GNAS-AS1: variants seen among roughly 807,000 people sequenced by gnomAD.
GNAS-AS1 encodes the protein GNAS antisense RNA 1, also known as GNAS antisense RNA 1 (non-protein coding).
At chr20:58,845,414 A>T (rs889658708) in intron 2 of GNAS-AS1, among the ~76,000 whole-genome samples, 2 of 152,146 alleles carry the variant, frequency 1.3e-5, no homozygotes, top group African/African-American at 4.8e-5. Context: ...ACATACAGCT[A>T]GACCCCACTG....
chr20:58,844,250 A>C (rs2085856114), intron 2 of GNAS-AS1, among the ~76,000 whole-genome samples: 1 of 152,228 alleles, frequency 6.6e-6, no homozygotes, highest in African/African-American at 2.4e-5. Context: ...CTATCACAAA[A>C]ACCAAATCAC....
At chr20:58,850,861 C>T (rs1341270228) in exon 1 of GNAS-AS1, 1 of 398,836 alleles carries the variant, frequency 2.5e-6, no homozygotes, top group Non-Finnish European at 4.4e-6. Context: ...CTTCCAACCA[C>T]CCCAGCAGCA....
intron 4 of GNAS-AS1, among the ~76,000 whole-genome samples, chr20:58,831,348 A>G (rs952542939): frequency 3.3e-5 from 5 of 152,156 alleles, no homozygotes; most frequent in African/African-American, 1.2e-4. Context: ...AATCTGCTAG[A>G]TAAAGTCACT....
At chr20:58,850,540 T>G (rs1031052040) in exon 1 of GNAS-AS1, 4 of 398,692 alleles carry the variant, frequency 1.0e-5, no homozygotes, top group Non-Finnish European at 1.8e-5. Context: ...CTTCCACTTG[T>G]GCAGGCTCAG....
chr20:58,831,281 A>G (rs1423355825), intron 4 of GNAS-AS1, among the ~76,000 whole-genome samples: 2 of 152,222 alleles, frequency 1.3e-5, no homozygotes, highest in East Asian at 3.8e-4. Context: ...CTAATATTTC[A>G]AAAGAAATGT....
chr20:58,842,216 C>A, exon 4 of GNAS-AS1: 1 of 398,482 alleles, frequency 2.5e-6, no homozygotes, highest in South Asian at 1.3e-4. Flanking sequence ...CCTCGCCAGT[C>A]CTGGGGGGAA....
intron 4 of GNAS-AS1, chr20:58,834,705 T>A (rs2085590745): frequency 6.6e-6 from 1 of 152,136 alleles, no homozygotes; most frequent in African/African-American, 2.4e-5. Context: ...TAGGCACTTA[T>A]CAGTAGGAGA....
In GNAS-AS1 at chr20:58,841,005, G is replaced by A; in HGVS notation, n.819+932C>T. The A allele has an allele frequency of 8.7e-7, 1 of 1,151,216 alleles. No homozygotes were observed. Among genetic ancestry groups the A allele is most frequent in the Non-Finnish European group, 1.3e-6 (1 of 797,262 alleles). The allele number at this position is 1,151,216 out of a possible 1,614,324, so 71.3% of individuals were successfully genotyped here. A position where few individuals can be genotyped will look rare whatever the true frequency, so the allele number is the denominator to read the frequency against. Reference sequence around the variant, plus strand: ...AGTGGGAAGAGAGGAGGCTCAGCTGGTCAGCCTGGGATCGGGGGTCAGGGT... The same window carrying A: ...AGTGGGAAGAGAGGAGGCTCAGCTGATCAGCCTGGGATCGGGGGTCAGGGT... On this transcript the variant is annotated intron_variant and non_coding_transcript_variant, in intron 4 of 4. Transcript: ENST00000424094. The surrounding 1 kb of genome is among the most constrained non-coding windows in gnomAD (Gnocchi z 5.0).
intron 4 of GNAS-AS1, among the ~76,000 whole-genome samples, chr20:58,830,389 C>T (rs2085552134): frequency 6.9e-6 from 1 of 144,712 alleles, no homozygotes; most frequent in South Asian, 2.3e-4. Context: ...CCACAATCAC[C>T]ACCACCATCA....
Position 58,840,461 on chromosome 20 carries a change from A to ATCGAGTCCGAGACCGACT in GNAS-AS1, n.819+1458_819+1475dup, listed in dbSNP as rs1255784891. On this transcript the variant is annotated intron_variant and non_coding_transcript_variant, in intron 4 of 4. Coordinates refer to ENST00000424094, the Ensembl canonical transcript of GNAS-AS1. This position sits in a 1 kb window ranked among gnomAD's most constrained non-coding sequence, Gnocchi z 6.0. The stretch of plus-strand genomic sequence containing the variant: ...GACCGAGAGCGAGACCGAGTCCGAA[A>ATCGAGTCCGAGACCGACT]TCGAGTCCGAGACCGACTTCGAGAC... 1 of 1,613,352 alleles carries ATCGAGTCCGAGACCGACT rather than the reference A, an allele frequency of 6.2e-7. No homozygotes were observed. The highest frequency in any genetic ancestry group is 8.5e-7 in the Non-Finnish European group (1 of 1,179,754).
At chr20:58,820,021 G>C (rs1433416898) in intron 4 of GNAS-AS1, among the ~76,000 whole-genome samples, 1 of 152,260 alleles carries the variant, frequency 6.6e-6, no homozygotes, top group Non-Finnish European at 1.5e-5. Flanking sequence ...GTGCCATCTA[G>C]TGGGGAGGGG....
chr20:58,826,349 C>T (rs1014627926), intron 4 of GNAS-AS1, among the ~76,000 whole-genome samples: 1 of 152,142 alleles, frequency 6.6e-6, no homozygotes, highest in East Asian at 1.9e-4. Context: ...ATCCCAGCAT[C>T]CCCCTGGTTA....
chr20:58,828,368 T>C (rs941551811), intron 4 of GNAS-AS1, among the ~76,000 whole-genome samples: 7 of 152,266 alleles, frequency 4.6e-5, no homozygotes, highest in Non-Finnish European at 7.3e-5. Flanking sequence ...AAAATAGATC[T>C]GATATCAAGG....
chr20:58,822,042 A>G (rs1462523844), intron 4 of GNAS-AS1, among the ~76,000 whole-genome samples: 4 of 152,184 alleles, frequency 2.6e-5, no homozygotes, highest in African/African-American at 9.7e-5. Flanking sequence ...TTAAGTGGCT[A>G]TGGTAACTGC....
chr20:58,841,590 G>T lies in GNAS-AS1; in HGVS notation n.819+347C>A. ...TCCCGTCGCTCGCGGGACAGAGACCGCCTCAAAGAGCGTGCGCACCTGCCC... is the reference window on the plus strand; with the variant it reads ...TCCCGTCGCTCGCGGGACAGAGACCTCCTCAAAGAGCGTGCGCACCTGCCC... On this transcript the variant is annotated intron_variant and non_coding_transcript_variant, in intron 4 of 4. Coordinates refer to ENST00000424094, the Ensembl canonical transcript of GNAS-AS1. The surrounding 1 kb of genome is among the most constrained non-coding windows in gnomAD (Gnocchi z 5.0). The T allele has an allele frequency of 9.8e-7, 1 of 1,016,400 alleles. No homozygotes were observed. Among genetic ancestry groups the T allele is most frequent in the Non-Finnish European group, 1.2e-6 (1 of 850,824 alleles). 63.0% of individuals were successfully genotyped at this position (1,016,400 alleles called of 1,614,324 possible). A position where few individuals can be genotyped will look rare whatever the true frequency, so the allele number is the denominator to read the frequency against.
In GNAS-AS1 at chr20:58,840,960, G is replaced by A. The variant is rs2085695746; in HGVS notation, n.819+977C>T. The stretch of plus-strand genomic sequence containing the variant: ...AGCGCAGGTGGAAAGGAGGTGAGAA[G>A]GAAAGGCAGGTCAGGGGCGAGTGGG... On this transcript the variant is annotated intron_variant and non_coding_transcript_variant, in intron 4 of 4. Transcript: ENST00000424094. This position sits in a 1 kb window ranked among gnomAD's most constrained non-coding sequence, Gnocchi z 6.0. 8 of 1,500,610 alleles carry A rather than the reference G, an allele frequency of 5.3e-6. No individual in the cohort carries two copies. The highest frequency in any genetic ancestry group is 7.3e-6 in the Non-Finnish European group (8 of 1,092,922). 93.0% of individuals were successfully genotyped at this position (1,500,610 alleles called of 1,614,324 possible). A position where few individuals can be genotyped will look rare whatever the true frequency, so the allele number is the denominator to read the frequency against.
At position 58,822,914 on chromosome 20, in the gene GNAS-AS1, G is replaced by C. The variant is rs188603036; in HGVS notation, n.820-3659C>G. ...CGACCTAGGGCTGGGCTCTGACCTG[G>C]CTCCTCTGGCCCTGTCCTTGGTGCT... On this transcript the variant is annotated intron_variant and non_coding_transcript_variant, in intron 4 of 4. Transcript: ENST00000424094. Among the ~76,000 whole-genome samples, 515 of 152,198 alleles carry C rather than the reference G, an allele frequency of 3.4e-3. 4 individuals carry two copies. The highest frequency in any genetic ancestry group is 0.012 in the African/African-American group (496 of 41,550).
At chr20:58,839,863 T>A in intron 4 of GNAS-AS1, 1 of 596,000 alleles carries the variant, frequency 1.7e-6, no homozygotes, top group Non-Finnish European at 3.0e-6. Flanking sequence ...AACTTTCCCC[T>A]TTTTTCCCAT....
intron 2 of GNAS-AS1, among the ~76,000 whole-genome samples, chr20:58,843,806 TATCTG>T (rs2085836289): frequency 2.0e-5 from 3 of 152,190 alleles, no homozygotes; most frequent in Admixed American, 2.0e-4. Context: ...TAACTGAACT[TATCTG>T]AGCTGGGAAT....
Sources: allele counts gnomAD v4.1 joint callset (sites outside exome capture counted in the v4.1 genomes callset), GRCh38; gene constraint gnomAD v4.1.1; non-coding constraint Gnocchi (gnomAD v3.1); transcripts MANE v1.5; gene names NCBI Gene and HGNC (gene_info 2026-07-23, HGNC 2026-07-21).